Variants in SGCZ observed in about 807,000 individuals in gnomAD.
SGCZ encodes the protein sarcoglycan zeta.
A neutral mutation model predicts 41.3 loss-of-function variants in SGCZ; 40 were observed. The ratio of observed to expected loss-of-function variants is 0.97; its 90% CI spans 0.75 to 1.26. The LOEUF is 1.26. Among genes scored for constraint, SGCZ ranks in the 50% most tolerant of loss-of-function variants. The pLI, the probability that SGCZ is intolerant of heterozygous loss-of-function variation, is 0.00. For synonymous variants in SGCZ, 206 were observed against 137.5 expected, an observed-to-expected ratio of 1.50 and a Z score of -3.49; for missense variants, 552 against 369.8, an observed-to-expected ratio of 1.49 and a Z score of -4.04.
intron 4 of SGCZ, among the ~76,000 whole-genome samples, chr8:14,210,719 G>T (rs1047956056): frequency 6.6e-6 from 1 of 151,854 alleles, no homozygotes; most frequent in African/African-American, 2.4e-5. Context: ...CGCTTGCCTC[G>T]GCCTCCCAAA....
intron 1 of SGCZ, among the ~76,000 whole-genome samples, chr8:15,102,015 C>T (rs1401774569): frequency 6.6e-6 from 1 of 152,138 alleles, no homozygotes; most frequent in Non-Finnish European, 1.5e-5. Flanking sequence ...ATCCAGCAAT[C>T]ACACCTCTAG....
chr8:14,115,783 CTG>C (rs1802503905), intron 5 of SGCZ, among the ~76,000 whole-genome samples: 1 of 151,406 alleles, frequency 6.6e-6, no homozygotes. Flanking sequence ...ACACCATAAA[CTG>C]AGGTTTCTTT....
rs756942696 is a variant in SGCZ at position 14,087,267 on chromosome 8, G to A, written c.*3176C>T. Among the ~76,000 whole-genome samples, 1 of 150,892 alleles carries A rather than the reference G, an allele frequency of 6.6e-6. No homozygotes were observed. Among genetic ancestry groups the A allele is most frequent in the Non-Finnish European group, 1.5e-5 (1 of 67,390 alleles). On this transcript the variant is annotated 3_prime_UTR_variant, in exon 8 of 8. Coordinates refer to ENST00000382080, the MANE Select transcript of SGCZ (RefSeq NM_139167.4). ...TAGAAATTTTGGAAATGTTGAACAA[G>A]GGAAGTAGGAAATTTGGAAGTTTTT...
At chr8:15,062,662 T>C (rs1237653648) in intron 1 of SGCZ, among the ~76,000 whole-genome samples, 1 of 152,204 alleles carries the variant, frequency 6.6e-6, no homozygotes, top group Non-Finnish European at 1.5e-5. Flanking sequence ...CACTTTCATA[T>C]GATTTTAAAA....
chr8:15,228,616 A>G (rs1235234098), intron 1 of SGCZ, among the ~76,000 whole-genome samples: 2 of 152,230 alleles, frequency 1.3e-5, no homozygotes, highest in Non-Finnish European at 2.9e-5. Flanking sequence ...AACAGACAAC[A>G]GAAATACAGA....
intron 6 of SGCZ, among the ~76,000 whole-genome samples, chr8:14,106,511 G>A (rs1221456646): frequency 1.3e-5 from 2 of 152,110 alleles, no homozygotes; most frequent in African/African-American, 2.4e-5. Flanking sequence ...TGTTACTCAA[G>A]TAGTGAGAAA....
intron 1 of SGCZ, among the ~76,000 whole-genome samples, chr8:14,867,226 G>A (rs149055794): frequency 2.6e-5 from 4 of 151,992 alleles, no homozygotes; most frequent in African/African-American, 7.3e-5. Flanking sequence ...ATGTTCAAAC[G>A]CCTGAAGTAG....
rs1585055867 is a variant in SGCZ, at chr8:14,533,921, T to C, written c.234+20811A>G. Among the ~76,000 whole-genome samples, 3 of 150,916 alleles carry C rather than the reference T, an allele frequency of 2.0e-5. No homozygotes were observed. The South Asian group carries it at 6.2e-4, about 31-fold the overall frequency. On this transcript the variant is annotated intron_variant, in intron 2 of 7. Transcript: ENST00000382080. ...AAATGAAAGCATGTTGGTAGAGCTGTGAAAACAAAAATGAGAGCAAGCATA... is the reference window on the plus strand; with the variant it reads ...AAATGAAAGCATGTTGGTAGAGCTGCGAAAACAAAAATGAGAGCAAGCATA...
intron 1 of SGCZ, among the ~76,000 whole-genome samples, chr8:14,997,909 G>A (rs910207994): frequency 5.9e-5 from 9 of 152,142 alleles, no homozygotes; most frequent in East Asian, 1.9e-4. Flanking sequence ...GCAGTGAGCC[G>A]AGATGGTGCC....
At chr8:14,879,132 C>G (rs1414332863) in intron 1 of SGCZ, 2 of 151,956 alleles carry the variant, frequency 1.3e-5, no homozygotes, top group Non-Finnish European at 2.9e-5. Flanking sequence ...TAAGACCAGC[C>G]TGAGTAACAC....
intron 2 of SGCZ, among the ~76,000 whole-genome samples, chr8:14,381,292 G>A (rs574342770): frequency 1.3e-5 from 2 of 152,320 alleles, no homozygotes; most frequent in African/African-American, 4.8e-5. Context: ...GGTTCAGAGA[G>A]AGTAGAGTTA....
At chr8:14,819,459 G>C (rs1431684550) in intron 1 of SGCZ, among the ~76,000 whole-genome samples, 1 of 152,100 alleles carries the variant, frequency 6.6e-6, no homozygotes, top group East Asian at 1.9e-4. Context: ...CCAATCACAA[G>C]ACTGGCCTTA....
chr8:15,225,269 G>A (rs566754016), intron 1 of SGCZ, among the ~76,000 whole-genome samples: 48 of 152,008 alleles, frequency 3.2e-4, no homozygotes, highest in African/African-American at 1.1e-3. Flanking sequence ...TTAGTTAAAA[G>A]CGTACAATGC....
At position 14,343,274 on chromosome 8, in the gene SGCZ, G is replaced by T. The variant is rs186498283; in HGVS notation, c.235-19070C>A. Among the ~76,000 whole-genome samples, 7 of 152,280 alleles carry T rather than the reference G, an allele frequency of 4.6e-5. No individual in the cohort carries two copies. In the East Asian group the frequency reaches 1.4e-3, roughly 30 times the overall value. On this transcript the variant is annotated intron_variant, in intron 2 of 7. Transcript: ENST00000382080. Reference sequence around the variant, plus strand: ...GCCCCCACACAGAGTTCCTACTGGGGCACTGCCTAGTGGAGCTGCAAGAAG... The same window carrying T: ...GCCCCCACACAGAGTTCCTACTGGGTCACTGCCTAGTGGAGCTGCAAGAAG...
At chr8:15,138,370 A>G (rs1022934443) in intron 1 of SGCZ, among the ~76,000 whole-genome samples, 11 of 151,836 alleles carry the variant, frequency 7.2e-5, no homozygotes, top group Non-Finnish European at 1.2e-4. Flanking sequence ...ACTTTAGGGG[A>G]CTGTTGGGAG....
At chr8:14,256,514 G>T (rs1485853392) in intron 3 of SGCZ, among the ~76,000 whole-genome samples, 1 of 151,174 alleles carries the variant, frequency 6.6e-6, no homozygotes, top group Non-Finnish European at 1.5e-5. Context: ...ATACATATAT[G>T]ATATATAAAT....
chr8:14,776,358 C>T (rs904412596), intron 1 of SGCZ, among the ~76,000 whole-genome samples: 1 of 152,026 alleles, frequency 6.6e-6, no homozygotes, highest in East Asian at 1.9e-4. Flanking sequence ...TTCCCCTGCA[C>T]ACACTCTCTT....
intron 1 of SGCZ, among the ~76,000 whole-genome samples, chr8:15,167,128 C>G (rs1799688605): frequency 6.6e-6 from 1 of 152,102 alleles, no homozygotes; most frequent in Non-Finnish European, 1.5e-5. Flanking sequence ...TTCTCTCTGC[C>G]TGGTTCCTCT....
intron 5 of SGCZ, among the ~76,000 whole-genome samples, chr8:14,114,823 A>C (rs1802476078): frequency 6.6e-6 from 1 of 152,004 alleles, no homozygotes; most frequent in East Asian, 1.9e-4. Flanking sequence ...ATGTTTTACT[A>C]GCAGTTGTTT....
Sources: allele counts gnomAD v4.1 joint callset (sites outside exome capture counted in the v4.1 genomes callset), GRCh38; gene constraint gnomAD v4.1.1; transcripts MANE v1.5; gene names NCBI Gene and HGNC (gene_info 2026-07-23, HGNC 2026-07-21).